Variants in ALK observed in about 807,000 individuals in gnomAD.
ALK encodes ALK tyrosine kinase receptor.
ALK carries 74 observed loss-of-function variants against 163.1 expected under a neutral mutation model. The observed-to-expected ratio is 0.45, with a 90% confidence interval of 0.38 to 0.55. ALK has a LOEUF of 0.55. Among genes scored for constraint, ALK ranks in the 20% least tolerant of loss-of-function variants. ALK has a pLI of 0.00. For synonymous variants in ALK, 960 were observed against 843.2 expected, an observed-to-expected ratio of 1.14 and a Z score of -2.40; for missense variants, 2,063 against 2,105.3, an observed-to-expected ratio of 0.98 and a Z score of 0.39.
At chr2:29,815,966 A>G (rs1664887311) in intron 1 of ALK, among the ~76,000 whole-genome samples, 1 of 152,238 alleles carries the variant, frequency 6.6e-6, no homozygotes, top group African/African-American at 2.4e-5. Flanking sequence ...GAGAAACACA[A>G]GACCGGGAAG....
chr2:29,425,288 G>A (rs1455481306), intron 4 of ALK, among the ~76,000 whole-genome samples: 2 of 152,084 alleles, frequency 1.3e-5, no homozygotes, highest in African/African-American at 4.8e-5. Context: ...ATTCCAGGAA[G>A]GTTTAGCCAA....
chr2:29,752,178 CTTT>C (rs1004579884), intron 1 of ALK, among the ~76,000 whole-genome samples: 2 of 151,074 alleles, frequency 1.3e-5, no homozygotes, highest in South Asian at 2.1e-4. Context: ...TAAATTTTGC[CTTT>C]TTTTGTTTAT....
chr2:29,768,217 T>G (rs1404370460), intron 1 of ALK, among the ~76,000 whole-genome samples: 2 of 152,204 alleles, frequency 1.3e-5, no homozygotes, highest in Non-Finnish European at 2.9e-5. Context: ...TAAACAGATT[T>G]AGCAGAGCTG....
rs374392156 is a variant in ALK at position 29,416,766 on chromosome 2, A to G, written c.1155-32907T>C. Among the ~76,000 whole-genome samples, 4 of 152,004 alleles carry G rather than the reference A, an allele frequency of 2.6e-5. No homozygotes were observed. In the East Asian group the frequency reaches 5.8e-4, roughly 22 times the overall value. On this transcript the variant is annotated intron_variant, in intron 4 of 28. Transcript: ENST00000389048. ...CAGAGGGATATGGGTTCAAATCCAG[A>G]CTCCCCAACCAATAGCTACATGAGG...
chr2:29,257,949 C>T (rs1033089306), intron 11 of ALK, among the ~76,000 whole-genome samples: 1 of 152,190 alleles, frequency 6.6e-6, no homozygotes, highest in African/African-American at 2.4e-5. Context: ...AGCGATCCTA[C>T]CACCTCAGAC....
chr2:29,243,094 G>A (rs1270830512), intron 12 of ALK, among the ~76,000 whole-genome samples: 1 of 152,218 alleles, frequency 6.6e-6, no homozygotes, highest in Non-Finnish European at 1.5e-5. Flanking sequence ...GGAGTGGGAT[G>A]TGCCACAGGT....
chr2:29,472,098 C>T (rs573049787), intron 4 of ALK, among the ~76,000 whole-genome samples: 38 of 152,270 alleles, frequency 2.5e-4, no homozygotes, highest in South Asian at 2.1e-3. Flanking sequence ...TCTTGCAGGA[C>T]GGTCACCCTG....
chr2:29,224,057 T>A (rs1339548918), intron 19 of ALK, among the ~76,000 whole-genome samples: 1 of 152,198 alleles, frequency 6.6e-6, no homozygotes, highest in African/African-American at 2.4e-5. Flanking sequence ...AGGAGTCCCA[T>A]GACTCCCAGG....
At chr2:29,589,461 T>C (rs1261415740) in intron 3 of ALK, among the ~76,000 whole-genome samples, 8 of 152,154 alleles carry the variant, frequency 5.3e-5, no homozygotes, top group Non-Finnish European at 8.8e-5. Context: ...CCTGAGTTTG[T>C]ACAGTGATGA....
chr2:29,691,868 T>C (rs1312150955), intron 3 of ALK, among the ~76,000 whole-genome samples: 1 of 152,210 alleles, frequency 6.6e-6, no homozygotes, highest in Non-Finnish European at 1.5e-5. Context: ...CTCAGTAACA[T>C]CTGTGGAATT....
At chr2:29,694,793 AG>A in intron 3 of ALK, 56 bp downstream of exon 3, 1 of 1,598,316 alleles carries the variant, frequency 6.3e-7, no homozygotes, top group South Asian at 1.1e-5. Context: ...AAACAGAAAT[AG>A]GTATTCCAGC....
At chr2:29,555,363 T>A (rs569078234) in intron 3 of ALK, among the ~76,000 whole-genome samples, 1 of 147,092 alleles carries the variant, frequency 6.8e-6, no homozygotes, top group East Asian at 2.1e-4. Context: ...TAGGCTGCTG[T>A]GGGCATTTGA....
At chr2:29,326,872 T>C (rs1438550162) in intron 6 of ALK, among the ~76,000 whole-genome samples, 3 of 152,210 alleles carry the variant, frequency 2.0e-5, no homozygotes, top group Admixed American at 2.0e-4. Context: ...TGCAGGCCAC[T>C]GGGGTCTGCA....
chr2:29,267,952 A>G (rs1366246265), intron 11 of ALK, among the ~76,000 whole-genome samples: 4 of 152,230 alleles, frequency 2.6e-5, no homozygotes, highest in African/African-American at 9.6e-5. Context: ...GATCTTAATC[A>G]AGGCATACTG....
At chr2:29,267,892 A>C (rs1390006007) in intron 11 of ALK, among the ~76,000 whole-genome samples, 1 of 152,226 alleles carries the variant, frequency 6.6e-6, no homozygotes, top group Non-Finnish European at 1.5e-5. Flanking sequence ...TACTTAATGC[A>C]CTTGCCCTGA....
intron 4 of ALK, among the ~76,000 whole-genome samples, chr2:29,523,320 A>G (rs569715049): frequency 3.4e-4 from 52 of 152,238 alleles, no homozygotes; most frequent in Admixed American, 1.2e-3. Flanking sequence ...GCATTCCCAT[A>G]GCACCCAATG....
intron 12 of ALK, among the ~76,000 whole-genome samples, chr2:29,247,535 GC>G (rs1664711964): frequency 6.6e-6 from 1 of 152,218 alleles, no homozygotes; most frequent in African/African-American, 2.4e-5. Flanking sequence ...TCTCCTGCCT[GC>G]CCCGCACCCC....
At chr2:29,509,740 T>C (rs1672457799) in intron 4 of ALK, among the ~76,000 whole-genome samples, 1 of 152,166 alleles carries the variant, frequency 6.6e-6, no homozygotes, top group African/African-American at 2.4e-5. Context: ...TTACAACAAC[T>C]AAAATAACCT....
chr2:29,556,158 C>A (rs1673853098), intron 3 of ALK, among the ~76,000 whole-genome samples: 1 of 152,130 alleles, frequency 6.6e-6, no homozygotes, highest in Admixed American at 6.6e-5. Flanking sequence ...GATGCCGCAG[C>A]CTAGGGGGTT....
Sources: gnomAD v4.1 joint callset for allele counts (sites outside exome capture counted in the v4.1 genomes callset) on GRCh38, gnomAD v4.1.1 for gene constraint, MANE v1.5 for transcripts, NCBI Gene and HGNC (gene_info 2026-07-23, HGNC 2026-07-21) for gene names.